The following TRPM3 variants were observed in gnomAD, a reference collection of about 807,000 sequenced individuals.
TRPM3 encodes the protein transient receptor potential cation channel subfamily M member 3.
TRPM3 carries 77 observed loss-of-function variants against 181.2 expected under a neutral mutation model. The observed-to-expected ratio is 0.42, with a 90% CI of 0.35 to 0.51. TRPM3 has a LOEUF of 0.51. TRPM3 is among the 20% of genes least tolerant of loss of function. TRPM3 has a pLI of 0.01. For missense variants in TRPM3, 1,759 were observed against 2,196.7 expected (o/e 0.80, Z 3.98); for synonymous variants, 745 against 796.4 (o/e 0.94, Z 1.09).
At chr9:70,848,730 C>A (rs2095092858) in intron 3 of TRPM3, among the ~76,000 whole-genome samples, 1 of 28,806 alleles carries the variant, frequency 3.5e-5, no homozygotes, top group Admixed American at 3.3e-4. Context: ...GTAATCCCAG[C>A]ACTTTGGGAG....
At chr9:70,579,458 C>T (rs990975957) in intron 22 of TRPM3, 1 of 152,110 alleles carries the variant, frequency 6.6e-6, no homozygotes, top group African/African-American at 2.4e-5. Flanking sequence ...CCACCGTGCC[C>T]AGTGGGAATA....
chr9:71,240,027 TA>T (rs1363472884), intron 1 of TRPM3, among the ~76,000 whole-genome samples: 1 of 152,190 alleles, frequency 6.6e-6, no homozygotes, highest in Non-Finnish European at 1.5e-5. Flanking sequence ...CCTAAGAATT[TA>T]TTCGCTTGAA....
At chr9:71,302,218 TAA>T (rs1326105751) in intron 1 of TRPM3, among the ~76,000 whole-genome samples, 2 of 152,152 alleles carry the variant, frequency 1.3e-5, no homozygotes. Context: ...TCACACAGAA[TAA>T]AAGTTATTGC....
At chr9:70,660,639 C>G (rs993062837) in intron 9 of TRPM3, among the ~76,000 whole-genome samples, 21 of 152,012 alleles carry the variant, frequency 1.4e-4, no homozygotes, top group Non-Finnish European at 2.8e-4. Flanking sequence ...ATTTGGGGTT[C>G]ATGAAGGCTA....
At chr9:70,595,917 GT>G (rs1362568518) in intron 21 of TRPM3, among the ~76,000 whole-genome samples, 34 of 152,164 alleles carry the variant, frequency 2.2e-4, no homozygotes, top group African/African-American at 8.2e-4. Context: ...GAATTCAAGT[GT>G]TTTTTCTCTC....
intron 1 of TRPM3, among the ~76,000 whole-genome samples, chr9:71,260,150 T>C (rs2082944915): frequency 6.6e-6 from 1 of 152,188 alleles, no homozygotes; most frequent in South Asian, 2.1e-4. Flanking sequence ...CATTTCCCCA[T>C]TGTTTGTTTT....
At chr9:70,766,782 G>A (rs951343367) in intron 7 of TRPM3, among the ~76,000 whole-genome samples, 3 of 152,208 alleles carry the variant, frequency 2.0e-5, no homozygotes, top group Non-Finnish European at 4.4e-5. Flanking sequence ...TCCCAGAGAG[G>A]CAGGAAGCAT....
At chr9:70,769,820 C>A (rs1222682587) in intron 7 of TRPM3, among the ~76,000 whole-genome samples, 1 of 151,978 alleles carries the variant, frequency 6.6e-6, no homozygotes, top group Non-Finnish European at 1.5e-5. Flanking sequence ...TCTGCATGTG[C>A]CTTAAGTTCT....
At chr9:71,098,753 CA>C in intron 1 of TRPM3, among the ~76,000 whole-genome samples, 1 of 152,194 alleles carries the variant, frequency 6.6e-6, no homozygotes, top group Non-Finnish European at 1.5e-5. Flanking sequence ...TTTATAACCT[CA>C]AAAACTGGAA....
At position 70,529,591 on chromosome 9, in the gene TRPM3, A is replaced by G. The variant is rs538073836; in HGVS notation, c.*6362T>C. 1 of 152,306 alleles carries G rather than the reference A, an allele frequency of 6.6e-6. No homozygotes were observed. Among genetic ancestry groups the G allele is most frequent in the South Asian group, 2.1e-4 (1 of 4,826 alleles). 9.4% of individuals were successfully genotyped at this position (152,306 alleles called of 1,614,324 possible). ...ACTCTTCTTCTGAATCTCTCTCACAAAGACTCTGTGTTCAAGTTTAGAATT... is the reference window on the plus strand; with the variant it reads ...ACTCTTCTTCTGAATCTCTCTCACAGAGACTCTGTGTTCAAGTTTAGAATT... On this transcript the variant is annotated 3_prime_UTR_variant, in exon 26 of 26. Coordinates refer to ENST00000677713, the MANE Select transcript of TRPM3 (RefSeq NM_001366145.2).
At chr9:70,680,575 C>T (rs539562688) in intron 9 of TRPM3, among the ~76,000 whole-genome samples, 4 of 152,160 alleles carry the variant, frequency 2.6e-5, no homozygotes, top group Non-Finnish European at 5.9e-5. Flanking sequence ...CAGACACATT[C>T]TCTGCCCTAT....
chr9:71,080,057 C>A (rs978590479), intron 1 of TRPM3, among the ~76,000 whole-genome samples: 2 of 151,920 alleles, frequency 1.3e-5, no homozygotes, highest in African/African-American at 2.4e-5. Context: ...GTAATTCCAG[C>A]GACTTGAGAG....
intron 6 of TRPM3, among the ~76,000 whole-genome samples, chr9:70,814,876 C>T (rs2092543124): frequency 6.6e-6 from 1 of 151,152 alleles, no homozygotes; most frequent in Non-Finnish European, 1.5e-5. Flanking sequence ...TGCTTCCCTC[C>T]CTCTTTCCCT....
At chr9:70,540,574 C>T (rs1409913157) in intron 25 of TRPM3, among the ~76,000 whole-genome samples, 1 of 152,152 alleles carries the variant, frequency 6.6e-6, no homozygotes, top group Non-Finnish European at 1.5e-5. Flanking sequence ...GCCATGTGTC[C>T]CTATAGCCCC....
chr9:70,990,213 C>T (rs1401133096), intron 1 of TRPM3, among the ~76,000 whole-genome samples: 3 of 152,208 alleles, frequency 2.0e-5, no homozygotes, highest in Non-Finnish European at 2.9e-5. Flanking sequence ...ATGCAGTGTT[C>T]GGTGGCAGAT....
chr9:70,834,010 G>A (rs1424522289), intron 5 of TRPM3, among the ~76,000 whole-genome samples: 1 of 152,144 alleles, frequency 6.6e-6, no homozygotes, highest in Non-Finnish European at 1.5e-5. Context: ...AAGGATCTGT[G>A]GTTCCTCACA....
intron 1 of TRPM3, among the ~76,000 whole-genome samples, chr9:71,282,259 GGAAAGAAAGAGAGAAAGAAAGA>G (rs2084846175): frequency 1.1e-5 from 1 of 87,432 alleles, no homozygotes; most frequent in African/African-American, 5.0e-5. Context: ...AAGAAAGAAA[GGAAAGAAAGAGAGAAAGAAAGA>G]AAAGAAAGAA....
chr9:71,115,257 G>C (rs2072087605), intron 1 of TRPM3, among the ~76,000 whole-genome samples: 1 of 152,012 alleles, frequency 6.6e-6, no homozygotes, highest in Non-Finnish European at 1.5e-5. Flanking sequence ...CTGGACTTCA[G>C]AATCACTGGC....
At chr9:71,420,777 A>AAGAGAG (rs1342368407) in intron 1 of TRPM3, among the ~76,000 whole-genome samples, 1 of 86,802 alleles carries the variant, frequency 1.2e-5, no homozygotes, top group African/African-American at 4.6e-5. Context: ...AAGAGAGAGA[A>AAGAGAG]AGAGAGAGAA....
Sources: gnomAD v4.1 joint callset for allele counts (sites outside exome capture counted in the v4.1 genomes callset) on GRCh38, gnomAD v4.1.1 for gene constraint, MANE v1.5 for transcripts, NCBI Gene and HGNC (gene_info 2026-07-23, HGNC 2026-07-21) for gene names.